DPYD: variants seen among roughly 807,000 people sequenced by gnomAD.
DPYD encodes dihydropyrimidine dehydrogenase [NADP(+)].
A neutral mutation model predicts 116.2 loss-of-function variants in DPYD; 109 were observed. That is an observed-to-expected ratio of 0.94 (90% CI 0.80 to 1.10). The LOEUF (loss-of-function observed/expected upper bound fraction) is 1.10. Among genes scored for constraint, DPYD ranks in the 50% least tolerant of loss-of-function variants. The pLI is 0.00. For synonymous variants in DPYD, 440 were observed against 432.0 expected, an observed-to-expected ratio of 1.02 and a Z score of -0.23; for missense variants, 1,302 against 1,254.5, an observed-to-expected ratio of 1.04 and a Z score of -0.57.
intron 1 of DPYD, among the ~76,000 whole-genome samples, chr1:97,891,152 C>T (rs1672752238): frequency 6.6e-6 from 1 of 151,838 alleles, no homozygotes; most frequent in Non-Finnish European, 1.5e-5. Flanking sequence ...AACTAAAAGT[C>T]AATATCATCA....
intron 16 of DPYD, among the ~76,000 whole-genome samples, chr1:97,327,305 T>C (rs2101141844): frequency 6.6e-6 from 1 of 152,188 alleles, no homozygotes; most frequent in Non-Finnish European, 1.5e-5. Context: ...CAAATTCCAA[T>C]GAATATCTTT....
intron 11 of DPYD, among the ~76,000 whole-genome samples, chr1:97,566,823 CATG>C (rs972088300): frequency 2.0e-5 from 3 of 152,080 alleles, no homozygotes; most frequent in African/African-American, 7.2e-5. Flanking sequence ...AAAAATAGAA[CATG>C]ATGTTAACCA....
At chr1:97,189,208 A>C (rs1658194394) in intron 20 of DPYD, among the ~76,000 whole-genome samples, 2 of 152,214 alleles carry the variant, frequency 1.3e-5, no homozygotes, top group African/African-American at 4.8e-5. Flanking sequence ...GACTTACAAA[A>C]ATACAACTGC....
At chr1:97,194,687 T>C (rs1658624548) in intron 19 of DPYD, among the ~76,000 whole-genome samples, 1 of 152,032 alleles carries the variant, frequency 6.6e-6, no homozygotes, top group African/African-American at 2.4e-5. Flanking sequence ...GTATTTTTAG[T>C]AGGAACGGGG....
At chr1:97,878,648 T>C (rs1459794007) in intron 2 of DPYD, among the ~76,000 whole-genome samples, 1 of 152,010 alleles carries the variant, frequency 6.6e-6, no homozygotes, top group African/African-American at 2.4e-5. Flanking sequence ...CTTCCAACTT[T>C]CTAAACCCAG....
At chr1:97,355,613 A>G (rs1670390262) in intron 16 of DPYD, among the ~76,000 whole-genome samples, 2 of 151,902 alleles carry the variant, frequency 1.3e-5, no homozygotes, top group Admixed American at 6.6e-5. Context: ...TCACCATTCT[A>G]CTTTCTGTTT....
intron 2 of DPYD, among the ~76,000 whole-genome samples, chr1:97,829,254 G>A (rs1000729084): frequency 1.3e-5 from 2 of 151,788 alleles, no homozygotes; most frequent in Admixed American, 6.6e-5. Flanking sequence ...TATTAATAAT[G>A]TCCAATGTAT....
At chr1:97,079,199 G>A in intron 22 of DPYD, 53 bp from the exon 23 acceptor site, 1 of 1,599,266 alleles carries the variant, frequency 6.3e-7, no homozygotes, top group Non-Finnish European at 8.6e-7. Context: ...GGTCAACAAT[G>A]TCCCCATTTT....
chr1:97,167,948 T>G (rs1035201894), intron 20 of DPYD, among the ~76,000 whole-genome samples: 2 of 152,170 alleles, frequency 1.3e-5, no homozygotes, highest in Non-Finnish European at 2.9e-5. Context: ...GGTCAACTAC[T>G]CTCATTTAAT....
At chr1:97,599,365 G>A (rs961119499) in intron 8 of DPYD, among the ~76,000 whole-genome samples, 6 of 151,688 alleles carry the variant, frequency 4.0e-5, no homozygotes, top group African/African-American at 1.2e-4. Flanking sequence ...CACAACTTCA[G>A]TTAACATGAA....
At chr1:97,663,238 T>TC (rs1659369845) in intron 8 of DPYD, among the ~76,000 whole-genome samples, 2 of 152,180 alleles carry the variant, frequency 1.3e-5, no homozygotes, top group Non-Finnish European at 2.9e-5. Context: ...CACCAGGTTG[T>TC]CACAAGGAAT....
chr1:97,801,876 A>C (rs750873563), intron 3 of DPYD, among the ~76,000 whole-genome samples: 32 of 151,968 alleles, frequency 2.1e-4, no homozygotes, highest in Non-Finnish European at 4.3e-4. Flanking sequence ...CAATTGTTTA[A>C]TTTAAAATGT....
At chr1:97,342,866 C>T (rs912708060) in intron 16 of DPYD, among the ~76,000 whole-genome samples, 1 of 152,048 alleles carries the variant, frequency 6.6e-6, no homozygotes, top group Non-Finnish European at 1.5e-5. Context: ...ATCATCACTC[C>T]CCCTACCACT....
chr1:97,917,207 T>C (rs1021904531), intron 1 of DPYD, among the ~76,000 whole-genome samples: 1 of 152,212 alleles, frequency 6.6e-6, no homozygotes, highest in Non-Finnish European at 1.5e-5. Context: ...ACACATTCAG[T>C]AAAAATATAT....
At chr1:97,746,241 C>A (rs955594871) in intron 3 of DPYD, among the ~76,000 whole-genome samples, 1 of 152,104 alleles carries the variant, frequency 6.6e-6, no homozygotes, top group Admixed American at 6.6e-5. Context: ...TTATTTTCTT[C>A]TAATTCATAT....
chr1:97,769,278 T>C (rs886132926), intron 3 of DPYD, among the ~76,000 whole-genome samples: 27 of 152,274 alleles, frequency 1.8e-4, no homozygotes, highest in Admixed American at 1.5e-3. Flanking sequence ...GATACAATTA[T>C]ACATTTTTTT....
chr1:97,561,014 CAA>C (rs1253751468), intron 11 of DPYD, among the ~76,000 whole-genome samples: 5 of 152,032 alleles, frequency 3.3e-5, no homozygotes, highest in Admixed American at 2.6e-4. Flanking sequence ...GCAAGTGAGA[CAA>C]GAGAGGAAGT....
At chr1:97,365,492 T>C (rs772101450) in intron 16 of DPYD, among the ~76,000 whole-genome samples, 5 of 152,202 alleles carry the variant, frequency 3.3e-5, no homozygotes, top group Admixed American at 6.5e-5. Flanking sequence ...AACAAATACA[T>C]AGAGAATTCT....
intron 8 of DPYD, among the ~76,000 whole-genome samples, chr1:97,662,568 G>A (rs928458483): frequency 6.6e-6 from 1 of 152,048 alleles, no homozygotes; most frequent in African/African-American, 2.4e-5. Context: ...AGGAGGCAGA[G>A]TTTGCAGTGA....
Sources: gnomAD v4.1 joint callset for allele counts (sites outside exome capture counted in the v4.1 genomes callset) on GRCh38, gnomAD v4.1.1 for gene constraint, MANE v1.5 for transcripts, NCBI Gene and HGNC (gene_info 2026-07-23, HGNC 2026-07-21) for gene names.